The following ALK variants were observed in gnomAD, a reference collection of about 807,000 sequenced individuals.
The protein encoded by ALK is ALK receptor tyrosine kinase.
A neutral mutation model predicts 163.1 loss-of-function variants in ALK; 74 were observed. The observed-to-expected ratio is 0.45, with a 90% confidence interval of 0.38 to 0.55. ALK has a LOEUF of 0.55. Ranked by LOEUF, ALK falls within the 20% of genes least tolerant of loss-of-function variation. The pLI is 0.00. For synonymous variants in ALK, 960 were observed against 843.2 expected, an observed-to-expected ratio of 1.14 and a Z score of -2.40; for missense variants, 2,063 against 2,105.3, an observed-to-expected ratio of 0.98 and a Z score of 0.39.
chr2:29,438,201 C>T (rs994745694), intron 4 of ALK, among the ~76,000 whole-genome samples: 1 of 152,174 alleles, frequency 6.6e-6, no homozygotes, highest in African/African-American at 2.4e-5. Context: ...ATGAGGAAGA[C>T]CTGCAGGTAT....
At chr2:29,671,895 T>G (rs1316081987) in intron 3 of ALK, among the ~76,000 whole-genome samples, 1 of 151,986 alleles carries the variant, frequency 6.6e-6, no homozygotes, top group Non-Finnish European at 1.5e-5. Flanking sequence ...TTTTTAGATA[T>G]AAATATTTAA....
intron 1 of ALK, among the ~76,000 whole-genome samples, chr2:29,828,427 G>A (rs1274277821): frequency 2.0e-5 from 3 of 152,194 alleles, no homozygotes; most frequent in African/African-American, 2.4e-5. Context: ...TCTGACAGAG[G>A]GCTAATATCC....
At chr2:29,504,844 T>C (rs1051561659) in intron 4 of ALK, among the ~76,000 whole-genome samples, 1 of 152,162 alleles carries the variant, frequency 6.6e-6, no homozygotes, top group African/African-American at 2.4e-5. Flanking sequence ...TTTTTGCCAT[T>C]ACTTCCAACG....
intron 1 of ALK, among the ~76,000 whole-genome samples, chr2:29,882,980 A>G (rs2148419565): frequency 6.6e-6 from 1 of 152,232 alleles, no homozygotes; most frequent in Non-Finnish European, 1.5e-5. Flanking sequence ...TTGGTCATAA[A>G]CGGAAGTGCA....
chr2:29,717,750 T>C (rs1679305561), intron 1 of ALK, 53 bp from the exon 2 acceptor site: 2 of 1,612,620 alleles, frequency 1.2e-6, no homozygotes, highest in Non-Finnish European at 1.7e-6. Context: ...GTGTGTCTTT[T>C]AGCTGTCACT....
chr2:29,236,823 C>T (rs1664399017), intron 13 of ALK, among the ~76,000 whole-genome samples: 1 of 152,204 alleles, frequency 6.6e-6, no homozygotes, highest in Admixed American at 6.5e-5. Context: ...CCTAGGCAAT[C>T]TCATCCTGTC....
At chr2:29,382,528 A>G (rs1040932673) in intron 5 of ALK, among the ~76,000 whole-genome samples, 1 of 152,144 alleles carries the variant, frequency 6.6e-6, no homozygotes, top group Non-Finnish European at 1.5e-5. Context: ...ATGATGATCA[A>G]ATGAGAACAT....
At chr2:29,330,245 A>T (rs1455762599) in intron 5 of ALK, among the ~76,000 whole-genome samples, 3 of 151,686 alleles carry the variant, frequency 2.0e-5, no homozygotes, top group Non-Finnish European at 4.4e-5. Context: ...CTGCTCATGG[A>T]CTCTGTGCTG....
At chr2:29,235,071 A>G (rs1317176964) in intron 13 of ALK, among the ~76,000 whole-genome samples, 1 of 152,230 alleles carries the variant, frequency 6.6e-6, no homozygotes, top group African/African-American at 2.4e-5. Flanking sequence ...GTTGGGGCTC[A>G]GGTATTAGAG....
At chr2:29,679,357 T>G (rs1038784876) in intron 3 of ALK, among the ~76,000 whole-genome samples, 3 of 151,364 alleles carry the variant, frequency 2.0e-5, no homozygotes, top group Non-Finnish European at 3.0e-5. Flanking sequence ...TCTTTCTTCC[T>G]TTTTTTTCAG....
At chr2:29,787,042 G>A (rs1450625804) in intron 1 of ALK, among the ~76,000 whole-genome samples, 1 of 152,064 alleles carries the variant, frequency 6.6e-6, no homozygotes, top group African/African-American at 2.4e-5. Flanking sequence ...TGATCTGCCC[G>A]CCTTGGCCTC....
At chr2:29,483,181 A>G (rs958977286) in intron 4 of ALK, among the ~76,000 whole-genome samples, 1 of 152,234 alleles carries the variant, frequency 6.6e-6, no homozygotes, top group South Asian at 2.1e-4. Context: ...CCTCTCCCAG[A>G]GACTTAGTTC....
rs115586215 is a variant in ALK, at chr2:29,721,994, T to G, written c.668-4297A>C. Among the ~76,000 whole-genome samples, 1,454 of 152,346 alleles carry G rather than the reference T, an allele frequency of 9.5e-3. 18 individuals carry two copies. The highest frequency in any genetic ancestry group is 0.034 in the African/African-American group (1,401 of 41,568). On this transcript the variant is annotated intron_variant, in intron 1 of 28. Coordinates refer to ENST00000389048, the MANE Select transcript of ALK (RefSeq NM_004304.5). Reference sequence around the variant, plus strand: ...GTCGCCGACGACCCTAGGCTGCAGATACATTGAACAACTCTAGGTCTTTGT... The same window carrying G: ...GTCGCCGACGACCCTAGGCTGCAGAGACATTGAACAACTCTAGGTCTTTGT...
rs1668902735 is a variant in ALK at position 29,192,795 on chromosome 2, T to G, written c.*429A>C. The G allele has an allele frequency of 3.4e-6, 1 of 296,994 alleles. No individual in the cohort carries two copies. The highest frequency in any genetic ancestry group is 6.4e-6 in the Non-Finnish European group (1 of 156,346). 18.4% of individuals were successfully genotyped at this position (296,994 alleles called of 1,614,324 possible). A position where few individuals can be genotyped will look rare whatever the true frequency, so the allele number is the denominator to read the frequency against. The stretch of plus-strand genomic sequence containing the variant: ...ATGCTTAGTCATTACAAATAACTCC[T>G]TTATTTCCGTTCCCTCTCCCCTCAA... On this transcript the variant is annotated 3_prime_UTR_variant, in exon 29 of 29. Coordinates refer to ENST00000389048, the MANE Select transcript of ALK (RefSeq NM_004304.5).
intron 1 of ALK, among the ~76,000 whole-genome samples, chr2:29,772,045 C>T (rs1027144467): frequency 3.9e-5 from 6 of 152,074 alleles, no homozygotes; most frequent in East Asian, 1.9e-4. Context: ...AGAGAATTCC[C>T]GAGATGAGGC....
At chr2:29,527,461 C>T (rs1168651610) in intron 4 of ALK, among the ~76,000 whole-genome samples, 1 of 152,020 alleles carries the variant, frequency 6.6e-6, no homozygotes, top group Non-Finnish European at 1.5e-5. Flanking sequence ...TTCCAGGGTG[C>T]CACTGTGGAG....
At chr2:29,275,634 C>T (rs569195143) in intron 9 of ALK, 138 bp from the exon 10 acceptor site, 39 of 829,614 alleles carry the variant, frequency 4.7e-5, no homozygotes, top group African/African-American at 2.2e-4. Context: ...AGAGCAGTGG[C>T]GAGAGAAGAG....
intron 13 of ALK, among the ~76,000 whole-genome samples, chr2:29,237,652 A>G (rs182403505): frequency 8.8e-4 from 134 of 152,306 alleles, no homozygotes; most frequent in Admixed American, 2.1e-3. Context: ...CTCAATAAAT[A>G]TTGGTTAAAT....
intron 1 of ALK, among the ~76,000 whole-genome samples, chr2:29,789,077 G>A (rs781674273): frequency 7.4e-4 from 104 of 140,400 alleles, no homozygotes; most frequent in Admixed American, 1.3e-3. Flanking sequence ...ATGCCTATGC[G>A]TGGCTGCCTG....
Sources: gnomAD v4.1 joint callset for allele counts (sites outside exome capture counted in the v4.1 genomes callset) on GRCh38, gnomAD v4.1.1 for gene constraint, MANE v1.5 for transcripts, NCBI Gene and HGNC (gene_info 2026-07-23, HGNC 2026-07-21) for gene names.